The following SLC38A6 variants were observed in gnomAD, a reference collection of about 807,000 sequenced individuals.
SLC38A6 encodes N system amino acid transporter NAT-1.
A neutral mutation model predicts 65.0 loss-of-function variants in SLC38A6; 73 were observed. The observed-to-expected ratio is 1.12, with a 90% CI of 0.93 to 1.37. The LOEUF is 1.37. Ranked by LOEUF, SLC38A6 falls within the 40% of genes most tolerant of loss-of-function variation. The probability of loss-of-function intolerance (pLI) is 0.00; values close to 1 mark genes in which losing one functional copy is unlikely to be tolerated. For synonymous variants in SLC38A6, 183 were observed against 178.8 expected (o/e 1.02, Z -0.19); for missense variants, 561 against 531.1 (o/e 1.06, Z -0.55).
At chr14:61,061,750 T>C (rs534109354) in intron 15 of SLC38A6, among the ~76,000 whole-genome samples, 1 of 152,354 alleles carries the variant, frequency 6.6e-6, no homozygotes, top group South Asian at 2.1e-4. Context: ...TCCATTCACC[T>C]GTTGAAAGAT....
chr14:61,031,595 C>T (rs1193918862), intron 6 of SLC38A6, among the ~76,000 whole-genome samples: 1 of 151,972 alleles, frequency 6.6e-6, no homozygotes, highest in Non-Finnish European at 1.5e-5. Flanking sequence ...ATGAGGTTTC[C>T]ACATGCATTA....
chr14:60,991,284 C>G (rs1490982188), intron 3 of SLC38A6, among the ~76,000 whole-genome samples: 1 of 152,202 alleles, frequency 6.6e-6, no homozygotes, highest in Admixed American at 6.5e-5. Flanking sequence ...AGTACTCCCT[C>G]ACTGGTTTCA....
chr14:61,030,406 C>G, intron 5 of SLC38A6, 39 bp from the exon 6 acceptor site: 1 of 1,444,322 alleles, frequency 6.9e-7, no homozygotes, highest in Non-Finnish European at 9.6e-7. Flanking sequence ...GGTTAAGAAT[C>G]ATAGAATTCT....
intron 12 of SLC38A6, among the ~76,000 whole-genome samples, chr14:61,046,626 G>C (rs2042164339): frequency 6.6e-6 from 1 of 152,166 alleles, no homozygotes; most frequent in African/African-American, 2.4e-5. Flanking sequence ...TCTGCCTTCA[G>C]ATCTAATTAT....
At position 60,993,997 on chromosome 14, in the gene SLC38A6, T is replaced by C. The variant is rs1483471097; in HGVS notation, c.310+9194T>C. ...ATTCATTGCTGGTGGGAATAAGAAA[T>C]GGTACAGCTACTTTGGAATACAGTT... On this transcript the variant is annotated intron_variant, in intron 3 of 15. Coordinates refer to ENST00000267488, the MANE Select transcript of SLC38A6 (RefSeq NM_153811.3). Among the ~76,000 whole-genome samples the C allele has an allele frequency of 3.3e-5, 5 of 152,170 alleles. No homozygotes were observed. In the East Asian group the frequency reaches 9.6e-4, roughly 29 times the overall value.
chr14:61,003,315 A>C (rs1466980658), intron 3 of SLC38A6, among the ~76,000 whole-genome samples: 2 of 152,128 alleles, frequency 1.3e-5, no homozygotes, highest in African/African-American at 4.8e-5. Context: ...TGGGCATTTA[A>C]ATATTTTAAA....
chr14:61,053,241 A>G (rs541099785), downstream of SLC38A6, among the ~76,000 whole-genome samples: 1 of 152,248 alleles, frequency 6.6e-6, no homozygotes, highest in East Asian at 1.9e-4. Flanking sequence ...TCCATGATAT[A>G]TATATACCAT....
intron 6 of SLC38A6, among the ~76,000 whole-genome samples, chr14:61,032,119 G>T (rs1011439823): frequency 2.0e-5 from 3 of 151,970 alleles, no homozygotes; most frequent in Admixed American, 2.0e-4. Flanking sequence ...ATTAAACGTG[G>T]TGTTTCCCTT....
chr14:61,010,042 T>C (rs2039436755), intron 3 of SLC38A6, among the ~76,000 whole-genome samples: 1 of 152,214 alleles, frequency 6.6e-6, no homozygotes, highest in African/African-American at 2.4e-5. Flanking sequence ...CTCCAGCACC[T>C]GTTGTTTCCT....
chr14:60,986,101 A>G (rs1038937543), intron 3 of SLC38A6, among the ~76,000 whole-genome samples: 2 of 152,360 alleles, frequency 1.3e-5, no homozygotes. Flanking sequence ...CTGACAAACC[A>G]AACTATATCA....
chr14:61,035,496 A>T (rs1364661498), intron 6 of SLC38A6, among the ~76,000 whole-genome samples: 1 of 152,122 alleles, frequency 6.6e-6, no homozygotes, highest in Non-Finnish European at 1.5e-5. Flanking sequence ...AATATATTCA[A>T]CAGCTTCACA....
At chr14:61,010,589 C>A (rs537556744) in intron 3 of SLC38A6, among the ~76,000 whole-genome samples, 1 of 152,278 alleles carries the variant, frequency 6.6e-6, no homozygotes, top group Non-Finnish European at 1.5e-5. Context: ...CCAAGTTCAC[C>A]TTTCTACATA....
At chr14:61,071,096 G>A (rs1365469099) in intron 15 of SLC38A6, among the ~76,000 whole-genome samples, 1 of 151,890 alleles carries the variant, frequency 6.6e-6, no homozygotes, top group East Asian at 1.9e-4. Flanking sequence ...AGATTATTTT[G>A]TATCAGTATA....
At chr14:61,081,320 C>A (rs1281138020) in intron 16 of SLC38A6, among the ~76,000 whole-genome samples, 2 of 92,228 alleles carry the variant, frequency 2.2e-5, no homozygotes, top group Non-Finnish European at 5.7e-5. Context: ...TTGACCAGTG[C>A]TTTGGGTCAT....
At chr14:61,013,155 T>C (rs1292829472) in intron 3 of SLC38A6, among the ~76,000 whole-genome samples, 1 of 152,224 alleles carries the variant, frequency 6.6e-6, no homozygotes, top group Non-Finnish European at 1.5e-5. Context: ...TCTTTGTCTC[T>C]TTTTATCTTT....
chr14:61,019,403 A>T (rs952525244), intron 4 of SLC38A6, 138 bp from the exon 5 acceptor site: 4 of 653,072 alleles, frequency 6.1e-6, no homozygotes, highest in Non-Finnish European at 1.0e-5. Flanking sequence ...ATTTCAAATG[A>T]CTGGCAGATT....
chr14:60,982,594 T>C lies in SLC38A6; in HGVS notation c.192T>C (p.Leu64=), dbSNP rs768050738. ...LMNAIMGSGI[L]GLAYVLANTG... is the part of the protein sequence containing the mutation. The stretch of plus-strand genomic sequence containing the variant: ...ATGCCATCATGGGAAGTGGCATCCT[T>C]GGCTTAGCTTATGTTTTGGCTAATA... Residue 64 remains leucine, a synonymous_variant, in exon 2 of 16, where the codon CTT becomes CTC. Transcript: ENST00000267488. The C allele has an allele frequency of 6.2e-7, 1 of 1,614,072 alleles. No homozygotes were observed. Among genetic ancestry groups the C allele is most frequent in the Non-Finnish European group, 8.5e-7 (1 of 1,180,014 alleles).
At chr14:61,013,782 G>A (rs991841891) in intron 3 of SLC38A6, among the ~76,000 whole-genome samples, 1 of 152,160 alleles carries the variant, frequency 6.6e-6, no homozygotes, top group Non-Finnish European at 1.5e-5. Flanking sequence ...TTCCCATTGT[G>A]GGTAACCCGA....
intron 8 of SLC38A6, among the ~76,000 whole-genome samples, chr14:61,042,505 T>G (rs1416382131): frequency 6.6e-6 from 1 of 152,208 alleles, no homozygotes; most frequent in Non-Finnish European, 1.5e-5. Context: ...TGAAACATTT[T>G]CATTGATTAA....
Sources: gnomAD v4.1 joint callset for allele counts (sites outside exome capture counted in the v4.1 genomes callset) on GRCh38, gnomAD v4.1.1 for gene constraint, MANE v1.5 for transcripts, NCBI Gene and HGNC (gene_info 2026-07-23, HGNC 2026-07-21) for gene names.